KLC1: variants seen among roughly 807,000 people sequenced by gnomAD.
KLC1 encodes kinesin 2 60/70kDa.
In KLC1, 30 loss-of-function variants were observed where a neutral mutation model predicts 84.2. The ratio of observed to expected loss-of-function variants is 0.36; its 90% confidence interval spans 0.27 to 0.48. The LOEUF is 0.48. Ranked by LOEUF, KLC1 falls within the 20% of genes least tolerant of loss-of-function variation. The probability of loss-of-function intolerance (pLI) is 0.99; values close to 1 mark genes in which losing one functional copy is unlikely to be tolerated. For missense variants in KLC1, 499 were observed against 805.4 expected (o/e 0.62, Z 4.60); for synonymous variants, 289 against 293.3 (o/e 0.99, Z 0.15).
intron 1 of KLC1, among the ~76,000 whole-genome samples, chr14:103,654,333 C>T (rs1170683752): frequency 6.6e-6 from 1 of 152,166 alleles, no homozygotes; most frequent in Admixed American, 6.6e-5. Context: ...GCATTAATTT[C>T]AGTTGCTGTC....
Position 103,675,580 on chromosome 14 carries a change from T to G in KLC1, c.1290T>G (p.Ala430=). The change falls in exon 10 of 17, where the codon GCT becomes GCG. Residue 430 remains alanine (A), a synonymous_variant. Coordinates refer to ENST00000334553, the MANE Select transcript of KLC1 (RefSeq NM_001394837.1). The part of the protein sequence containing the change: ...DDENKPIWMH[A]EEREECKGKQ... ...AAAATAAACCCATCTGGATGCATGCTGAAGAAAGAGAAGAATGCAAAGTAA... is the reference window on the plus strand; with the variant it reads ...AAAATAAACCCATCTGGATGCATGCGGAAGAAAGAGAAGAATGCAAAGTAA... 1 of 1,613,128 alleles carries G rather than the reference T, an allele frequency of 6.2e-7. No individual in the cohort carries two copies. Among genetic ancestry groups the G allele is most frequent in the Non-Finnish European group, 8.5e-7 (1 of 1,179,558 alleles).
intron 1 of KLC1, among the ~76,000 whole-genome samples, chr14:103,645,173 A>C (rs1291713626): frequency 6.6e-6 from 1 of 152,002 alleles, no homozygotes; most frequent in Non-Finnish European, 1.5e-5. Flanking sequence ...GGGTTTCTCC[A>C]TGTTTGCTAG....
intron 14 of KLC1, among the ~76,000 whole-genome samples, chr14:103,690,161 A>T (rs3742359): frequency 2.4e-4 from 37 of 151,908 alleles, no homozygotes; most frequent in South Asian, 2.1e-4. Flanking sequence ...AGCCTGGGCG[A>T]TGGAGTGAAA....
chr14:103,668,157 C>T (rs1314465518), intron 5 of KLC1, among the ~76,000 whole-genome samples: 2 of 152,200 alleles, frequency 1.3e-5, no homozygotes, highest in African/African-American at 2.4e-5. Flanking sequence ...GCTGGGACTG[C>T]GTGAGGTCAC....
intron 15 of KLC1, chr14:103,699,334 T>C: frequency 6.4e-7 from 1 of 1,573,144 alleles, no homozygotes; most frequent in African/African-American, 1.4e-5. Flanking sequence ...AAATACGAGC[T>C]CAGGGGTGCA....
At chr14:103,657,432 G>A in intron 2 of KLC1, 114 bp from the exon 3 acceptor site, 1 of 724,054 alleles carries the variant, frequency 1.4e-6, no homozygotes, top group East Asian at 2.7e-5. Flanking sequence ...ATGTACTTTG[G>A]AGAAAATATC....
intron 6 of KLC1, 74 bp downstream of exon 6, chr14:103,669,672 A>G: frequency 9.6e-7 from 1 of 1,043,344 alleles, no homozygotes; most frequent in South Asian, 1.3e-5. Flanking sequence ...AACTCATTTT[A>G]CCATTAAACT....
Position 103,701,440 on chromosome 14 carries a change from C to T in KLC1, c.*241C>T, listed in dbSNP as rs1251785568. The T allele has an allele frequency of 2.2e-6, 1 of 451,844 alleles. No homozygotes were observed. Among genetic ancestry groups the T allele is most frequent in the East Asian group, 3.3e-5 (1 of 30,554 alleles). 28.0% of individuals were successfully genotyped at this position (451,844 alleles called of 1,614,324 possible). A position where few individuals can be genotyped will look rare whatever the true frequency, so the allele number is the denominator to read the frequency against. On this transcript the variant is annotated 3_prime_UTR_variant, in exon 17 of 17. Coordinates refer to ENST00000334553, the MANE Select transcript of KLC1 (RefSeq NM_001394837.1). The stretch of plus-strand genomic sequence containing the variant: ...GTGGTCTCTCCCAGGAGACCTGGGG[C>T]ATGAGCTGGGCCCACGGCTCCCTTC...
intron 14 of KLC1, among the ~76,000 whole-genome samples, chr14:103,689,324 G>A (rs190550639): frequency 3.3e-5 from 5 of 152,274 alleles, no homozygotes; most frequent in African/African-American, 7.2e-5. Context: ...TGTCTTTGCC[G>A]TGATAAAAAT....
intron 9 of KLC1, 47 bp downstream of exon 9, chr14:103,673,478 T>C: frequency 8.2e-7 from 1 of 1,217,276 alleles, no homozygotes; most frequent in Non-Finnish European, 1.2e-6. Flanking sequence ...GTATAATGAC[T>C]TGACTAATAG....
At chr14:103,700,535 C>T in intron 15 of KLC1, 120 bp from the exon 16 acceptor site, 1 of 794,694 alleles carries the variant, frequency 1.3e-6, no homozygotes, top group East Asian at 2.8e-5. Context: ...TAAGGGGCCC[C>T]TAGGCTGTCC....
chr14:103,642,657 A>G (rs889009919), intron 1 of KLC1, among the ~76,000 whole-genome samples: 2 of 152,184 alleles, frequency 1.3e-5, no homozygotes, highest in African/African-American at 4.8e-5. Flanking sequence ...CTAAAAAACA[A>G]AGGGATGGGA....
rs1290368030 is a variant in KLC1 at position 103,695,982 on chromosome 14, AG to A, written c.1848+3558del. On this transcript the variant is annotated intron_variant, in intron 15 of 16. Transcript: ENST00000334553. ...TGAATTTTTCCCTTCAGAGGAGAGAAGTGGTGGGCCCAGGCATCCCTCCTCC... is the reference window on the plus strand; with the variant it reads ...TGAATTTTTCCCTTCAGAGGAGAGAATGGTGGGCCCAGGCATCCCTCCTCC... 3 of 985,152 alleles carry A rather than the reference AG, an allele frequency of 3.0e-6. No homozygotes were observed. In the African/African-American group the frequency reaches 5.2e-5, roughly 17 times the overall value. The allele number at this position is 985,152 out of a possible 1,614,324, so 61.0% of individuals were successfully genotyped here. A position where few individuals can be genotyped will look rare whatever the true frequency, so the allele number is the denominator to read the frequency against.
intron 1 of KLC1, among the ~76,000 whole-genome samples, chr14:103,648,967 T>G (rs955495690): frequency 6.6e-6 from 1 of 151,836 alleles, no homozygotes; most frequent in East Asian, 1.9e-4. Context: ...CGAAACTGTG[T>G]CTCTACTAAA....
At chr14:103,640,154 A>G (rs2077373388) in intron 1 of KLC1, among the ~76,000 whole-genome samples, 1 of 151,886 alleles carries the variant, frequency 6.6e-6, no homozygotes, top group African/African-American at 2.4e-5. Context: ...TCCACTTTCC[A>G]GGTTCATGCG....
intron 13 of KLC1, among the ~76,000 whole-genome samples, chr14:103,680,198 G>A (rs1413277065): frequency 6.6e-6 from 1 of 151,992 alleles, no homozygotes; most frequent in East Asian, 1.9e-4. Flanking sequence ...CCTAACCACT[G>A]CTGTTTATCC....
chr14:103,699,609 C>T (rs2082942149), intron 15 of KLC1: 1 of 1,609,516 alleles, frequency 6.2e-7, no homozygotes, highest in Non-Finnish European at 8.5e-7. Flanking sequence ...CTATGCTGGT[C>T]AGCAAGTCCC....
At chr14:103,629,684 C>G (rs998691852) in intron 1 of KLC1, among the ~76,000 whole-genome samples, 190 bp downstream of exon 1, 23 of 152,142 alleles carry the variant, frequency 1.5e-4, no homozygotes, top group African/African-American at 5.5e-4. Context: ...GGCCGGTCCG[C>G]GACCCCTTCC....
chr14:103,693,869 C>G lies in KLC1; in HGVS notation c.1848+1444C>G, dbSNP rs1200857927. 4.4e-6 allele frequency: 6 copies of G among 1,357,236 alleles called. No individual in the cohort carries two copies. The South Asian group carries it at 9.0e-5, about 20-fold the overall frequency. 84.1% of individuals were successfully genotyped at this position (1,357,236 alleles called of 1,614,324 possible). A position where few individuals can be genotyped will look rare whatever the true frequency, so the allele number is the denominator to read the frequency against. On this transcript the variant is annotated intron_variant, in intron 15 of 16. Coordinates refer to ENST00000334553, the MANE Select transcript of KLC1 (RefSeq NM_001394837.1). This position sits in a 1 kb window ranked among gnomAD's most constrained non-coding sequence, Gnocchi z 5.1. ...ACCCGGCCAGGCTGGCTCAGGGAGG[C>G]CGAGGTGGCGCTGAGGTGGCTTCAG...
Sources: gnomAD v4.1 joint callset for allele counts (sites outside exome capture counted in the v4.1 genomes callset) on GRCh38, gnomAD v4.1.1 for gene constraint, Gnocchi (gnomAD v3.1) non-coding constraint, MANE v1.5 for transcripts, NCBI Gene and HGNC (gene_info 2026-07-23, HGNC 2026-07-21) for gene names.